DPP6: variants seen among roughly 807,000 people sequenced by gnomAD.
The protein encoded by DPP6 is A-type potassium channel modulatory protein DPP6.
Under a neutral mutation model 122.6 loss-of-function variants are expected in DPP6, and 69 were observed. That is an observed-to-expected ratio of 0.56 (90% confidence interval 0.46 to 0.69). The LOEUF (loss-of-function observed/expected upper bound fraction) is 0.69, where lower values mean the gene tolerates loss of function less well. Ranked by LOEUF, DPP6 falls within the 30% of genes least tolerant of loss-of-function variation. DPP6 has a pLI of 0.00. For missense variants in DPP6, 928 were observed against 1,116.9 expected (o/e 0.83, Z 2.41); for synonymous variants, 418 against 433.1 (o/e 0.97, Z 0.43).
intron 22 of DPP6, among the ~76,000 whole-genome samples, chr7:154,886,915 G>A (rs1368964519): frequency 6.6e-6 from 1 of 152,244 alleles, no homozygotes; most frequent in Non-Finnish European, 1.5e-5. Flanking sequence ...AACTCTCCTG[G>A]TCCAAAATGT....
At chr7:154,083,954 G>A (rs995912699) in intron 1 of DPP6, among the ~76,000 whole-genome samples, 6 of 144,076 alleles carry the variant, frequency 4.2e-5, no homozygotes, top group Non-Finnish European at 9.0e-5. Flanking sequence ...AATTGAGATG[G>A]AGCAGTGTTC....
chr7:154,722,252 G>A (rs770336379), intron 7 of DPP6, among the ~76,000 whole-genome samples: 8 of 152,226 alleles, frequency 5.3e-5, no homozygotes, highest in Non-Finnish European at 1.2e-4. Context: ...GACAAATGGA[G>A]AAACTGAGGC....
chr7:154,539,687 C>G (rs950422827), intron 3 of DPP6, among the ~76,000 whole-genome samples: 3 of 151,652 alleles, frequency 2.0e-5, no homozygotes, highest in African/African-American at 7.3e-5. Context: ...TGGAAAGTGT[C>G]TTTATCATCT....
intron 1 of DPP6, among the ~76,000 whole-genome samples, chr7:154,349,339 C>A (rs1231183138): frequency 6.6e-6 from 1 of 152,224 alleles, no homozygotes; most frequent in Non-Finnish European, 1.5e-5. Context: ...CCACACCTGG[C>A]TAATTTTTGT....
intron 21 of DPP6, chr7:154,883,521 TGC>T (rs1805658197): frequency 9.5e-6 from 1 of 104,956 alleles, no homozygotes; most frequent in South Asian, 3.2e-4. Flanking sequence ...CCCATACACA[TGC>T]TCACACACGC....
intron 1 of DPP6, among the ~76,000 whole-genome samples, chr7:154,335,186 T>G (rs7779215): frequency 0.024 from 3,686 of 152,320 alleles, 132 homozygotes; most frequent in African/African-American, 0.082. Flanking sequence ...CATTGCCACG[T>G]TAATGTTAAT....
chr7:154,455,945 A>T (rs1307390549), intron 2 of DPP6, among the ~76,000 whole-genome samples: 1 of 152,072 alleles, frequency 6.6e-6, no homozygotes, highest in African/African-American at 2.4e-5. Context: ...GCTTCAAATT[A>T]ATTTTGGTGG....
At chr7:153,881,526 G>A in the DPP6 span, among the ~76,000 whole-genome samples, 1 of 152,130 alleles carries the variant, frequency 6.6e-6, no homozygotes, top group Non-Finnish European at 1.5e-5. Context: ...CAAAATTAGT[G>A]CAGGAGCTTC....
chr7:153,906,536 G>A (rs998307460), intron 1 of DPP6, among the ~76,000 whole-genome samples: 6 of 152,156 alleles, frequency 3.9e-5, no homozygotes, highest in East Asian at 1.9e-4. Flanking sequence ...CTGCAGCCTC[G>A]GCCTCCCAGG....
At chr7:154,747,438 T>G (rs1445474693) in intron 8 of DPP6, among the ~76,000 whole-genome samples, 1 of 152,174 alleles carries the variant, frequency 6.6e-6, no homozygotes, top group East Asian at 1.9e-4. Flanking sequence ...CAATTCTACC[T>G]CCACCATTTA....
intron 2 of DPP6, among the ~76,000 whole-genome samples, chr7:154,464,313 A>T (rs775039944): frequency 1.6e-4 from 24 of 152,202 alleles, no homozygotes; most frequent in Non-Finnish European, 3.5e-4. Flanking sequence ...TCTGCCACAC[A>T]ACTGCTGCCA....
At chr7:154,371,815 C>T (rs1445719145) in intron 1 of DPP6, among the ~76,000 whole-genome samples, 1 of 151,280 alleles carries the variant, frequency 6.6e-6, no homozygotes, top group Non-Finnish European at 1.5e-5. Flanking sequence ...AGCAAAGGAA[C>T]CAAAACCAAA....
rs749561005 is a variant in DPP6 at position 154,613,619 on chromosome 7, C to CAA, written c.628-24169_628-24168dup. ...GGGCAACAAGAGCGAGACTCTGTCT[C>CAA]AAAAAAAAAAAAAAAAAAAAAAAAA... is the stretch of plus-strand genomic sequence containing the variant. On this transcript the variant is annotated intron_variant, in intron 5 of 25. Transcript: ENST00000377770. 8.1e-4 allele frequency among the ~76,000 whole-genome samples: 42 copies of CAA among 51,828 alleles called. 3 individuals carry two copies. The highest frequency in any genetic ancestry group is 3.6e-3 in the African/African-American group (39 of 10,930). 34.0% of individuals were successfully genotyped at this position (51,828 alleles called of 152,430 possible).
At chr7:154,701,280 G>GC (rs1179225638) in intron 7 of DPP6, among the ~76,000 whole-genome samples, 1 of 152,182 alleles carries the variant, frequency 6.6e-6, no homozygotes, top group Non-Finnish European at 1.5e-5. Flanking sequence ...CTCATCAACA[G>GC]CCCCCTTGTG....
chr7:154,666,214 C>T (rs1175515892), intron 6 of DPP6, among the ~76,000 whole-genome samples: 2 of 149,318 alleles, frequency 1.3e-5, no homozygotes, highest in African/African-American at 5.1e-5. Flanking sequence ...CATATACATA[C>T]ATACATACAT....
the DPP6 span, among the ~76,000 whole-genome samples, chr7:153,800,470 A>G: frequency 3.9e-5 from 6 of 152,302 alleles, no homozygotes; most frequent in East Asian, 5.8e-4. Flanking sequence ...GCAAAAATAC[A>G]ATGAGATGAG....
At chr7:154,186,339 A>G (rs1798352547) in intron 1 of DPP6, among the ~76,000 whole-genome samples, 1 of 152,232 alleles carries the variant, frequency 6.6e-6, no homozygotes, top group African/African-American at 2.4e-5. Flanking sequence ...GATCAGAGTC[A>G]CTTGTAGATA....
intron 1 of DPP6, among the ~76,000 whole-genome samples, chr7:154,235,184 C>G (rs1035466242): frequency 4.6e-5 from 7 of 152,194 alleles, no homozygotes; most frequent in African/African-American, 1.7e-4. Context: ...ACTCTGCATC[C>G]TCTGTCCCCA....
chr7:154,705,071 G>T (rs568956673), intron 7 of DPP6, among the ~76,000 whole-genome samples: 1 of 152,168 alleles, frequency 6.6e-6, no homozygotes, highest in South Asian at 2.1e-4. Context: ...GCTCCTCCAG[G>T]GCAAAGACCA....
Sources: allele counts gnomAD v4.1 joint callset (sites outside exome capture counted in the v4.1 genomes callset), GRCh38; gene constraint gnomAD v4.1.1; transcripts MANE v1.5; gene names NCBI Gene and HGNC (gene_info 2026-07-23, HGNC 2026-07-21).